Variants in ITPR1 observed in about 807,000 individuals in gnomAD.
ITPR1 encodes the protein inositol 1,4,5-trisphosphate-gated calcium channel ITPR1.
In ITPR1, 96 loss-of-function variants were observed where a neutral mutation model predicts 318.4. That is an observed-to-expected ratio of 0.30 (90% CI 0.26 to 0.36). ITPR1 has a LOEUF of 0.36. ITPR1 is among the 10% of genes least tolerant of loss of function. ITPR1 has a pLI of 1.00. For missense variants in ITPR1, 2,440 were observed against 3,460.2 expected (o/e 0.71, Z 7.40); for synonymous variants, 1,312 against 1,289.9 (o/e 1.02, Z -0.37).
intron 44 of ITPR1, among the ~76,000 whole-genome samples, chr3:4,744,737 C>T (rs545118971): frequency 6.6e-6 from 1 of 152,318 alleles, no homozygotes; most frequent in African/African-American, 2.4e-5. Context: ...TTGTTCTGTG[C>T]TCCTCATCCC....
intron 34 of ITPR1, among the ~76,000 whole-genome samples, chr3:4,699,178 A>G (rs1049385091): frequency 9.5e-5 from 13 of 137,308 alleles, no homozygotes; most frequent in African/African-American, 3.0e-4. Context: ...GCGAAACCCC[A>G]TCTCTACTAA....
At chr3:4,610,254 C>T (rs573986059) in intron 4 of ITPR1, among the ~76,000 whole-genome samples, 6 of 152,256 alleles carry the variant, frequency 3.9e-5, no homozygotes, top group African/African-American at 7.2e-5. Context: ...CCTCTGTGCG[C>T]CAGACACCTT....
chr3:4,649,090 A>G (rs1436238044), intron 10 of ITPR1, among the ~76,000 whole-genome samples: 1 of 151,490 alleles, frequency 6.6e-6, no homozygotes, highest in Non-Finnish European at 1.5e-5. Flanking sequence ...ATACTGGTAC[A>G]AAAAAAAATG....
rs1411799041 is a variant in ITPR1 at position 4,688,534 on chromosome 3, C to T, written c.3742C>T (p.His1248Tyr). Reference protein sequence around the residue: ...TKMQEIMRLAHEFLQNFCAGN... With the variant: ...TKMQEIMRLAYEFLQNFCAGN... The stretch of plus-strand genomic sequence containing the variant: ...GATGCAAGAGATAATGAGGTTGGCT[C>T]ATGAATTTTTGCAGAATTTCTGCGC... The change falls in exon 31 of 62, where the codon CAT (histidine) becomes TAT (tyrosine). Residue 1248 changes from histidine to tyrosine, a missense_variant. His to Tyr is a moderately conservative substitution (Grantham distance 83, BLOSUM62 2). This residue lies in a region of ITPR1 where 222 missense variants were observed against 318.8 expected (regional missense o/e 0.70). Transcript: ENST00000649015. 3 of 1,613,992 alleles carry T rather than the reference C, an allele frequency of 1.9e-6. No homozygotes were observed. The highest frequency in any genetic ancestry group is 1.7e-6 in the Non-Finnish European group (2 of 1,179,860).
rs1412188429 is a variant in ITPR1, at chr3:4,691,271, T to A, written c.3956T>A (p.Ile1319Lys). The change falls in exon 32 of 62, where the codon ATA becomes AAA. Residue 1319 changes from isoleucine (I) to lysine (K), a missense_variant. By Grantham distance (102) the Ile-to-Lys change is moderately radical. Around this residue, in one of 23 missense-constraint regions of ITPR1, gnomAD observed 222 missense variants for 318.8 expected, o/e 0.70. Coordinates refer to ENST00000649015, the MANE Select transcript of ITPR1 (RefSeq NM_001378452.1). ...IETHGRNVQY[I>K]KFLQTIVKAE... Reference sequence around the variant, plus strand: ...ACTCACGGTCGGAATGTCCAGTATATAAAGTTCTTACAGACAATTGTCAAG... The same window carrying A: ...ACTCACGGTCGGAATGTCCAGTATAAAAAGTTCTTACAGACAATTGTCAAG... 6.2e-7 allele frequency: 1 copy of A among 1,613,466 alleles called. No homozygotes were observed. The highest frequency in any genetic ancestry group is 8.5e-7 in the Non-Finnish European group (1 of 1,179,468).
intron 2 of ITPR1, among the ~76,000 whole-genome samples, chr3:4,509,034 G>T (rs1255590998): frequency 6.6e-6 from 1 of 152,180 alleles, no homozygotes; most frequent in African/African-American, 2.4e-5. Context: ...GAACAAAAAC[G>T]AATGTTTTCA....
Position 4,768,702 on chromosome 3 carries a change from A to G in ITPR1, c.5917A>G (p.Ile1973Val), listed in dbSNP as rs2125376606. 4 of 1,613,776 alleles carry G rather than the reference A, an allele frequency of 2.5e-6. No homozygotes were observed. The highest frequency in any genetic ancestry group is 2.2e-5 in the East Asian group (1 of 44,862). The change falls in exon 46 of 62, where the codon ATC becomes GTC. Residue 1973 changes from isoleucine to valine, a missense_variant. Physicochemically the swap from Ile to Val is conservative, Grantham distance 29. This residue lies in a region of ITPR1 where 113 missense variants were observed against 103.6 expected (regional missense o/e 1.09). Coordinates refer to ENST00000649015, the MANE Select transcript of ITPR1 (RefSeq NM_001378452.1). ...CCTGGAGATGAGCGCGGTCATCACC[A>G]TCATGCAGCCCATCCTCCGCTTCCT... is the stretch of plus-strand genomic sequence containing the variant. The part of the protein sequence containing the change: ...DDLEMSAVIT[I>V]MQPILRFLQL...
rs543524202 is a variant in ITPR1, at chr3:4,503,301, G to A, written c.-17+8795G>A. Among the ~76,000 whole-genome samples, 173 of 152,216 alleles carry A rather than the reference G, an allele frequency of 1.1e-3. 1 individual carries two copies. Among genetic ancestry groups the A allele is most frequent in the African/African-American group, 4.0e-3 (166 of 41,522 alleles). The stretch of plus-strand genomic sequence containing the variant: ...TTCAGGTCATATTGGTATTGCCCTG[G>A]TGAGCCACAGGATGGGGACTCCGCA... On this transcript the variant is annotated intron_variant, in intron 2 of 61. Coordinates refer to ENST00000649015, the MANE Select transcript of ITPR1 (RefSeq NM_001378452.1).
intron 40 of ITPR1, among the ~76,000 whole-genome samples, chr3:4,721,139 T>C (rs1324309215): frequency 7.0e-6 from 1 of 142,966 alleles, no homozygotes; most frequent in African/African-American, 2.6e-5. Context: ...TATATATTTA[T>C]ATATGTCTGT....
intron 3 of ITPR1, among the ~76,000 whole-genome samples, chr3:4,519,471 T>C (rs304012): frequency 0.38 from 58,196 of 151,992 alleles, 11,314 homozygotes; most frequent in Admixed American, 0.42. Flanking sequence ...GTGATCCGCC[T>C]GTCTCGGCCT....
Position 4,692,282 on chromosome 3 carries a change from C to T in ITPR1, c.4029+938C>T, listed in dbSNP as rs528663282. 8.6e-5 allele frequency among the ~76,000 whole-genome samples: 13 copies of T among 151,958 alleles called. No individual in the cohort carries two copies. In the East Asian group the frequency reaches 1.2e-3, roughly 14 times the overall value. ...TGAGCTTTTCTATAACATGAAGATA[C>T]GCAGATTTCACTTTAAAGAGTTGAT... On this transcript the variant is annotated intron_variant, in intron 32 of 61. Transcript: ENST00000649015.
At position 4,570,117 on chromosome 3, in the gene ITPR1, G is replaced by GA. The variant is rs928335705; in HGVS notation, c.163+49031dup. ...AGTATAGAAAACAAATATAGTTGCCGAAAAAAAATGATTAGATTTCAAACT... is the reference window on the plus strand; with the variant it reads ...AGTATAGAAAACAAATATAGTTGCCGAAAAAAAAATGATTAGATTTCAAACT... On this transcript the variant is annotated intron_variant, in intron 4 of 61. Transcript: ENST00000649015. 3.3e-5 allele frequency among the ~76,000 whole-genome samples: 5 copies of GA among 151,814 alleles called. No individual in the cohort carries two copies. In the South Asian group the frequency reaches 6.2e-4, roughly 19 times the overall value.
intron 11 of ITPR1, among the ~76,000 whole-genome samples, chr3:4,652,886 G>A (rs2093627170): frequency 2.0e-5 from 3 of 152,056 alleles, no homozygotes; most frequent in African/African-American, 7.2e-5. Flanking sequence ...TACTTGGGAG[G>A]GTGAAGCAGG....
chr3:4,815,258 C>T, intron 59 of ITPR1, 40 bp downstream of exon 59: 17 of 1,604,786 alleles, frequency 1.1e-5, no homozygotes, highest in Non-Finnish European at 1.4e-5. Context: ...GCGTGAAGGC[C>T]CAGCGTGGCA....
chr3:4,714,916 C>G (rs2041653935), intron 39 of ITPR1, among the ~76,000 whole-genome samples: 1 of 151,924 alleles, frequency 6.6e-6, no homozygotes, highest in Non-Finnish European at 1.5e-5. Flanking sequence ...GTAAGACTGA[C>G]CTACACTTTT....
intron 2 of ITPR1, among the ~76,000 whole-genome samples, chr3:4,503,209 T>A (rs2081158458): frequency 1.3e-5 from 2 of 152,194 alleles, no homozygotes; most frequent in Non-Finnish European, 2.9e-5. Flanking sequence ...GCAGGACATT[T>A]GTCTTGGGAA....
At chr3:4,825,431 G>A (rs1193625510) in intron 60 of ITPR1, among the ~76,000 whole-genome samples, 1 of 152,184 alleles carries the variant, frequency 6.6e-6, no homozygotes, top group African/African-American at 2.4e-5. Flanking sequence ...TTTCCTGAGA[G>A]CTGCGGGTAA....
At position 4,775,376 on chromosome 3, in the gene ITPR1, A is replaced by C. The variant is rs1207218414; in HGVS notation, c.6114A>C (p.Val2038=). 6.2e-7 allele frequency: 1 copy of C among 1,613,680 alleles called. No individual in the cohort carries two copies. Among genetic ancestry groups the C allele is most frequent in the East Asian group, 2.2e-5 (1 of 44,884 alleles). ...GCTTGTATATAAATGAAAAGAATGT[A>C]GCGCTTATCAACCAAACCCTGGAAA... is the stretch of plus-strand genomic sequence containing the variant. ...LLGLYINEKN[V]ALINQTLESL... is the part of the protein sequence containing the mutation. The change falls in exon 47 of 62, where the codon GTA becomes GTC. Residue 2038 remains valine (V), a synonymous_variant. Transcript: ENST00000649015.
At chr3:4,600,961 C>G (rs2091225407) in intron 4 of ITPR1, among the ~76,000 whole-genome samples, 1 of 152,092 alleles carries the variant, frequency 6.6e-6, no homozygotes, top group African/African-American at 2.4e-5. Flanking sequence ...AGTTGCATTT[C>G]TTCCTGGAGT....
Sources: gnomAD v4.1 joint callset for allele counts (sites outside exome capture counted in the v4.1 genomes callset) on GRCh38, gnomAD v4.1.1 for gene constraint, gnomAD v4.1.1 regional missense constraint, MANE v1.5 for transcripts, NCBI Gene and HGNC (gene_info 2026-07-23, HGNC 2026-07-21) for gene names.